Variants in FAM76A observed in about 807,000 individuals in gnomAD.
FAM76A encodes protein FAM76A.
In FAM76A, 32 loss-of-function variants were observed where a neutral mutation model predicts 46.2. The ratio of observed to expected loss-of-function variants is 0.69; its 90% CI spans 0.52 to 0.93. The LOEUF is 0.93. FAM76A is among the 40% of genes least tolerant of loss of function. FAM76A has a pLI of 0.00. For synonymous variants in FAM76A, 137 were observed against 127.0 expected, an observed-to-expected ratio of 1.08 and a Z score of -0.53; for missense variants, 274 against 361.5, an observed-to-expected ratio of 0.76 and a Z score of 1.96.
chr1:27,759,746 C>G (rs2088471265), intron 8 of FAM76A, 119 bp downstream of exon 8: 3 of 643,388 alleles, frequency 4.7e-6, no homozygotes, highest in Non-Finnish European at 7.8e-6. Context: ...ATTAACAAAT[C>G]ATGTTAATCC....
intron 6 of FAM76A, among the ~76,000 whole-genome samples, chr1:27,751,514 CT>C (rs1215081880): frequency 2.4e-5 from 2 of 82,356 alleles, no homozygotes; most frequent in Admixed American, 1.4e-4. Context: ...TTTTTTTTTT[CT>C]TTTTTTTGAG....
At chr1:27,734,612 A>G (rs181788593) in intron 4 of FAM76A, among the ~76,000 whole-genome samples, 1 of 152,308 alleles carries the variant, frequency 6.6e-6, no homozygotes, top group Middle Eastern at 3.4e-3. Context: ...TCCTGGTTCT[A>G]TTATTGACCT....
chr1:27,759,273 A>T (rs1431011847), intron 7 of FAM76A, among the ~76,000 whole-genome samples: 1 of 152,210 alleles, frequency 6.6e-6, no homozygotes, highest in African/African-American at 2.4e-5. Flanking sequence ...TTTTTCTGCA[A>T]CATAGTAAAA....
At chr1:27,752,490 T>A (rs2088347271) in intron 6 of FAM76A, among the ~76,000 whole-genome samples, 1 of 152,242 alleles carries the variant, frequency 6.6e-6, no homozygotes, top group African/African-American at 2.4e-5. Flanking sequence ...GTGTTTATTT[T>A]TCCATAGGCA....
chr1:27,735,985 A>G (rs1474023733), intron 4 of FAM76A, among the ~76,000 whole-genome samples: 1 of 152,144 alleles, frequency 6.6e-6, no homozygotes, highest in Non-Finnish European at 1.5e-5. Context: ...AGACATCTAC[A>G]TGTTCATAAA....
intron 6 of FAM76A, among the ~76,000 whole-genome samples, 173 bp downstream of exon 6, chr1:27,749,327 C>T (rs2088296898): frequency 6.6e-6 from 1 of 152,156 alleles, no homozygotes; most frequent in Non-Finnish European, 1.5e-5. Flanking sequence ...AAGATAAGAA[C>T]TCATAACTTG....
At chr1:27,751,863 G>GCGCAATTATGGCTCACTGCAGC in intron 6 of FAM76A, among the ~76,000 whole-genome samples, 3 of 143,166 alleles carry the variant, frequency 2.1e-5, no homozygotes, top group Admixed American at 2.1e-4. Flanking sequence ...GAGTGCAGTG[G>GCGCAATTATGGCTCACTGCAGC]CGCAATTATG....
At chr1:27,737,447 G>T (rs2088068365) in intron 4 of FAM76A, among the ~76,000 whole-genome samples, 2 of 152,154 alleles carry the variant, frequency 1.3e-5, no homozygotes, top group South Asian at 4.1e-4. Flanking sequence ...AGGTGCAGTA[G>T]CTCATGCCTG....
chr1:27,729,570 C>T (rs2087921128), intron 2 of FAM76A, among the ~76,000 whole-genome samples: 2 of 151,988 alleles, frequency 1.3e-5, no homozygotes, highest in Admixed American at 6.6e-5. Flanking sequence ...ACCCATATGC[C>T]CTCTACTTAA....
chr1:27,726,208 C>G (rs764185395), intron 1 of FAM76A, 47 bp downstream of exon 1: 1 of 1,243,230 alleles, frequency 8.0e-7, no homozygotes, highest in Non-Finnish European at 1.0e-6. Flanking sequence ...GCAGGAGGCG[C>G]GGCCCGGAGC....
intron 6 of FAM76A, among the ~76,000 whole-genome samples, chr1:27,754,311 G>A (rs557180846): frequency 9.9e-5 from 15 of 152,032 alleles, no homozygotes; most frequent in Non-Finnish European, 2.2e-4. Flanking sequence ...TCTCCATGTT[G>A]GTCAGGCTGG....
chr1:27,754,152 G>C (rs1358943392), intron 6 of FAM76A, among the ~76,000 whole-genome samples: 1 of 145,388 alleles, frequency 6.9e-6, no homozygotes, highest in Non-Finnish European at 1.5e-5. Context: ...TGTTGCCCAG[G>C]CTGGAGTGCA....
At chr1:27,740,323 A>AT in intron 4 of FAM76A, 1 of 896,150 alleles carries the variant, frequency 1.1e-6, no homozygotes, top group African/African-American at 1.7e-5. Context: ...ACAGTTGAGT[A>AT]TTTGGCACCA....
chr1:27,732,739 C>T (rs2087981235), intron 3 of FAM76A, 82 bp downstream of exon 3: 7 of 1,034,540 alleles, frequency 6.8e-6, no homozygotes, highest in African/African-American at 3.2e-5. Flanking sequence ...AATGCCATTA[C>T]AATATTTTTA....
chr1:27,747,682 C>A (rs926847483), intron 5 of FAM76A, among the ~76,000 whole-genome samples: 1 of 151,996 alleles, frequency 6.6e-6, no homozygotes, highest in African/African-American at 2.4e-5. Flanking sequence ...TTTGGGAGGC[C>A]GAGGCAGGTG....
Position 27,726,050 on chromosome 1 carries a change from G to A in FAM76A, c.-31G>A, listed in dbSNP as rs1159615676. The stretch of plus-strand genomic sequence containing the variant: ...GTCAGATAAATCGGCGGGCCGGGCC[G>A]GCGGGTCGGTGAGCGCGGCCCGGGC... On this transcript the variant is annotated 5_prime_UTR_variant, in exon 1 of 9. Transcript: ENST00000373954. 4.8e-6 allele frequency: 6 copies of A among 1,237,784 alleles called. No homozygotes were observed. Among genetic ancestry groups the A allele is most frequent in the Non-Finnish European group, 5.0e-6 (5 of 990,360 alleles). 76.7% of individuals were successfully genotyped at this position (1,237,784 alleles called of 1,614,324 possible). A position where few individuals can be genotyped will look rare whatever the true frequency, so the allele number is the denominator to read the frequency against.
rs1338848198 is a variant in FAM76A, at chr1:27,738,784, CAG to C, written c.354+4606_354+4607del. 2.6e-5 allele frequency among the ~76,000 whole-genome samples: 4 copies of C among 152,172 alleles called. No individual in the cohort carries two copies. In the East Asian group the frequency reaches 5.8e-4, roughly 22 times the overall value. ...TGCTATAAAGAAATAAAGTACATGA[CAG>C]AGAGTGACTGGGAAGTCAGCCTATA... is the stretch of plus-strand genomic sequence containing the variant. On this transcript the variant is annotated intron_variant, in intron 4 of 8. Coordinates refer to ENST00000373954, the MANE Select transcript of FAM76A (RefSeq NM_152660.3).
intron 6 of FAM76A, among the ~76,000 whole-genome samples, chr1:27,750,754 C>T (rs982628325): frequency 6.6e-6 from 1 of 152,184 alleles, no homozygotes; most frequent in Non-Finnish European, 1.5e-5. Context: ...GCTAAAAACT[C>T]AAGTTTTCTG....
At chr1:27,737,865 C>CA (rs2088076595) in intron 4 of FAM76A, among the ~76,000 whole-genome samples, 9 of 34,246 alleles carry the variant, frequency 2.6e-4, no homozygotes, top group Non-Finnish European at 4.6e-4. Flanking sequence ...ACAACAACAA[C>CA]AACAAAAAAA....
Sources: allele counts gnomAD v4.1 joint callset (sites outside exome capture counted in the v4.1 genomes callset), GRCh38; gene constraint gnomAD v4.1.1; transcripts MANE v1.5; gene names NCBI Gene and HGNC (gene_info 2026-07-23, HGNC 2026-07-21).